The following THRB variants were observed in gnomAD, a reference collection of about 807,000 sequenced individuals.
THRB encodes thyroid hormone receptor beta, also known as nuclear receptor subfamily 1 group A member 2.
In THRB, 12 loss-of-function variants were observed where a neutral mutation model predicts 47.8. The ratio of observed to expected loss-of-function variants is 0.25; its 90% CI spans 0.16 to 0.41. The LOEUF (loss-of-function observed/expected upper bound fraction) is 0.41. THRB is among the 10% of genes least tolerant of loss of function. The probability of loss-of-function intolerance (pLI) is 1.00; values close to 1 mark genes in which losing one functional copy is unlikely to be tolerated. For synonymous variants in THRB, 218 were observed against 212.2 expected, an observed-to-expected ratio of 1.03 and a Z score of -0.24; for missense variants, 348 against 589.2, an observed-to-expected ratio of 0.59 and a Z score of 4.24.
At chr3:24,276,301 C>T (rs1039990583) in intron 3 of THRB, among the ~76,000 whole-genome samples, 9 of 152,138 alleles carry the variant, frequency 5.9e-5, no homozygotes, top group Non-Finnish European at 1.2e-4. Context: ...ACCATTAGCT[C>T]TTAATAGTCA....
At chr3:24,172,694 A>G (rs762785128) in intron 5 of THRB, among the ~76,000 whole-genome samples, 12 of 152,170 alleles carry the variant, frequency 7.9e-5, no homozygotes, top group Non-Finnish European at 1.5e-4. Context: ...TGATTAGAAC[A>G]TTGAAGCAGG....
At chr3:24,447,400 G>A (rs888185057) in intron 1 of THRB, among the ~76,000 whole-genome samples, 11 of 152,126 alleles carry the variant, frequency 7.2e-5, no homozygotes, top group Admixed American at 5.2e-4. Flanking sequence ...AAGTGAACCT[G>A]CAGTGAACCT....
At position 24,373,781 on chromosome 3, in the gene THRB, C is replaced by T. The variant is rs373427881; in HGVS notation, c.-260-36410G>A. Among the ~76,000 whole-genome samples, 7 of 152,258 alleles carry T rather than the reference C, an allele frequency of 4.6e-5. No individual in the cohort carries two copies. The East Asian group carries it at 5.8e-4, about 13-fold the overall frequency. ...CTTAATAGTCAGATTGAAAACCTAA[C>T]TTAGGAGTATGAGCCTGTAACAATC... On this transcript the variant is annotated intron_variant, in intron 1 of 10. Transcript: ENST00000646209.
intron 3 of THRB, among the ~76,000 whole-genome samples, chr3:24,296,930 G>A (rs2056495792): frequency 6.6e-6 from 1 of 152,144 alleles, no homozygotes; most frequent in Admixed American, 6.5e-5. Context: ...TTCAAACTTT[G>A]GGTTCTGAAT....
chr3:24,206,105 T>C (rs200734285), intron 4 of THRB, among the ~76,000 whole-genome samples: 1 of 152,028 alleles, frequency 6.6e-6, no homozygotes, highest in Admixed American at 6.5e-5. Context: ...GACAGAAAGT[T>C]AACAAGGATA....
At chr3:24,398,307 G>A (rs1356502053) in intron 1 of THRB, among the ~76,000 whole-genome samples, 1 of 152,084 alleles carries the variant, frequency 6.6e-6, no homozygotes, top group Admixed American at 6.6e-5. Context: ...CTACAGAATG[G>A]GAGAAAACTT....
At chr3:24,437,147 A>G (rs1010874354) in intron 1 of THRB, among the ~76,000 whole-genome samples, 9 of 148,596 alleles carry the variant, frequency 6.1e-5, no homozygotes, top group Non-Finnish European at 1.5e-5. Context: ...TATTATATAT[A>G]ATGAAATGTA....
rs116191682 is a variant in THRB, at chr3:24,126,752, T to C, written c.1144+747A>G. ...GTAGTGGCTTACAGACGGCTGCCCA[T>C]TCTGTGCTATCCTCCCATCTACAGG... is the stretch of plus-strand genomic sequence containing the variant. On this transcript the variant is annotated intron_variant, in intron 10 of 10. Coordinates refer to ENST00000646209, the MANE Select transcript of THRB (RefSeq NM_001354712.2). Among the ~76,000 whole-genome samples, 655 of 152,366 alleles carry C rather than the reference T, an allele frequency of 4.3e-3. 3 individuals carry two copies. The highest frequency in any genetic ancestry group is 0.015 in the African/African-American group (612 of 41,594).
At chr3:24,228,904 G>A (rs752687220) in intron 4 of THRB, 34 bp downstream of exon 4, 29 of 1,591,182 alleles carry the variant, frequency 1.8e-5, no homozygotes, top group Non-Finnish European at 2.4e-5. Context: ...CAAAAATGGA[G>A]GCACACAAAG....
At chr3:24,403,241 TA>T (rs1375762123) in intron 1 of THRB, among the ~76,000 whole-genome samples, 1 of 151,880 alleles carries the variant, frequency 6.6e-6, no homozygotes, top group Non-Finnish European at 1.5e-5. Context: ...TTTACATACA[TA>T]GGGGAAGTAC....
chr3:24,281,414 C>T (rs1029668965), intron 3 of THRB, among the ~76,000 whole-genome samples: 2 of 151,878 alleles, frequency 1.3e-5, no homozygotes, highest in Admixed American at 6.6e-5. Context: ...ACCAGGCCTG[C>T]CCTAGAAGAG....
At chr3:24,144,458 A>G (rs1405436411) in intron 7 of THRB, 1 of 152,540 alleles carries the variant, frequency 6.6e-6, no homozygotes. Context: ...ATTTCTTCCT[A>G]TACAAAATGG....
chr3:24,368,382 T>C (rs1458455405), intron 1 of THRB, among the ~76,000 whole-genome samples: 1 of 152,140 alleles, frequency 6.6e-6, no homozygotes, highest in Non-Finnish European at 1.5e-5. Context: ...GAGGAGAAGA[T>C]TCTTCTTTAT....
chr3:24,246,403 C>A (rs1276157580), intron 3 of THRB, among the ~76,000 whole-genome samples: 1 of 152,182 alleles, frequency 6.6e-6, no homozygotes, highest in African/African-American at 2.4e-5. Flanking sequence ...ACTTCATGCA[C>A]TGGTTGTACG....
At chr3:24,224,623 C>T (rs2047475682) in intron 4 of THRB, among the ~76,000 whole-genome samples, 1 of 152,118 alleles carries the variant, frequency 6.6e-6, no homozygotes, top group Admixed American at 6.6e-5. Flanking sequence ...AATAAAATGC[C>T]GAGTTTTCCC....
chr3:24,168,200 C>T (rs1257106913), intron 5 of THRB, among the ~76,000 whole-genome samples: 1 of 152,058 alleles, frequency 6.6e-6, no homozygotes, highest in Non-Finnish European at 1.5e-5. Flanking sequence ...TGGAGCTCAA[C>T]ACTTACATTG....
intron 6 of THRB, among the ~76,000 whole-genome samples, chr3:24,148,129 A>T (rs1023127641): frequency 1.3e-5 from 2 of 152,140 alleles, no homozygotes; most frequent in East Asian, 1.9e-4. Context: ...GTAAGAAATT[A>T]AAAAAAATTT....
intron 1 of THRB, among the ~76,000 whole-genome samples, chr3:24,393,138 T>C (rs2066703050): frequency 6.6e-6 from 1 of 152,162 alleles, no homozygotes; most frequent in South Asian, 2.1e-4. Flanking sequence ...TAATTGAATC[T>C]ATACATTGTC....
intron 5 of THRB, among the ~76,000 whole-genome samples, chr3:24,180,754 G>A (rs982596362): frequency 2.0e-5 from 3 of 152,168 alleles, no homozygotes; most frequent in Non-Finnish European, 4.4e-5. Context: ...AGAATAACTG[G>A]AGAGATAAAC....
Sources: gnomAD v4.1 joint callset for allele counts (sites outside exome capture counted in the v4.1 genomes callset) on GRCh38, gnomAD v4.1.1 for gene constraint, MANE v1.5 for transcripts, NCBI Gene and HGNC (gene_info 2026-07-23, HGNC 2026-07-21) for gene names.